The following ZNF517 variants were observed in gnomAD, a reference collection of about 807,000 sequenced individuals.
ZNF517 encodes the protein zinc finger protein 517.
In ZNF517, 12 loss-of-function variants were observed where a neutral mutation model predicts 12.1. That is an observed-to-expected ratio of 0.99 (90% CI 0.63 to 1.61). The LOEUF (loss-of-function observed/expected upper bound fraction) is 1.61. Among genes scored for constraint, ZNF517 ranks in the 40% most tolerant of loss-of-function variants. ZNF517 has a pLI of 0.00. For missense variants in ZNF517, 781 were observed against 693.2 expected (o/e 1.13, Z -1.42); for synonymous variants, 388 against 310.2 (o/e 1.25, Z -2.63).
chr8:144,800,053 T>A (rs1042820027), intron 1 of ZNF517, among the ~76,000 whole-genome samples: 9 of 152,152 alleles, frequency 5.9e-5, no homozygotes, highest in African/African-American at 2.2e-4. Flanking sequence ...GAGAGAAGGC[T>A]GGCATGGCTG....
chr8:144,803,104 C>T, intron 2 of ZNF517, 157 bp downstream of exon 2: 1 of 946,804 alleles, frequency 1.1e-6, no homozygotes, highest in East Asian at 2.7e-5. Context: ...TATGGCCAGG[C>T]CTCACACATG....
chr8:144,807,305 G>T lies in ZNF517; in HGVS notation c.389G>T (p.Gly130Val), dbSNP rs1290406095. ...GCLPWGHPVG[G>V]HPAPPHPHGG... ...CTCCCCTGGGGGCACCCTGTGGGGG[G>T]GCACCCTGCACCACCCCACCCGCAT... Residue 130 changes from glycine (G) to valine (V), a missense_variant, in exon 5 of 5, where the codon GGG becomes GTG. Coordinates refer to ENST00000359971, the MANE Select transcript of ZNF517 (RefSeq NM_213605.3). 2 of 1,552,786 alleles carry T rather than the reference G, an allele frequency of 1.3e-6. No homozygotes were observed. The highest frequency in any genetic ancestry group is 1.7e-6 in the Non-Finnish European group (2 of 1,149,140).
chr8:144,807,274 G>T lies in ZNF517; in HGVS notation c.358G>T (p.Gly120Trp), dbSNP rs570121206. The part of the protein sequence containing the change: ...RQAGLPGTVW[G>W]CLPWGHPVGG... ...GGCAGGACTGCCGGGCACCGTGTGG[G>T]GGTGCCTCCCCTGGGGGCACCCTGT... Residue 120 changes from glycine to tryptophan, a missense_variant, in exon 5 of 5, where the codon GGG (glycine) becomes TGG (tryptophan). Coordinates refer to ENST00000359971, the MANE Select transcript of ZNF517 (RefSeq NM_213605.3). 5 of 1,555,102 alleles carry T rather than the reference G, an allele frequency of 3.2e-6. No homozygotes were observed. In the African/African-American group the frequency reaches 6.8e-5, roughly 21 times the overall value.
At chr8:144,803,364 A>G in intron 2 of ZNF517, 1 of 487,832 alleles carries the variant, frequency 2.0e-6, no homozygotes, top group Non-Finnish European at 3.7e-6. Context: ...AATCCCTGAT[A>G]GCCTGTGGAG....
At chr8:144,805,777 A>G (rs183206024) in intron 4 of ZNF517, among the ~76,000 whole-genome samples, 6,685 of 142,420 alleles carry the variant, frequency 0.047, 208 homozygotes, top group Middle Eastern at 0.095. Context: ...CACCACGCCC[A>G]GCCAATTTTT....
Position 144,807,320 on chromosome 8 carries a change from C to A in ZNF517, c.404C>A (p.Pro135His), listed in dbSNP as rs1827279123. 1 of 1,554,004 alleles carries A rather than the reference C, an allele frequency of 6.4e-7. No individual in the cohort carries two copies. The highest frequency in any genetic ancestry group is 8.7e-7 in the Non-Finnish European group (1 of 1,148,536). ...CCTGTGGGGGGGCACCCTGCACCACCCCACCCGCATGGCGGTCCTGAGGAC... is the reference window on the plus strand; with the variant it reads ...CCTGTGGGGGGGCACCCTGCACCACACCACCCGCATGGCGGTCCTGAGGAC... ...GHPVGGHPAP[P>H]HPHGGPEDGS... The change falls in exon 5 of 5, where the codon CCC becomes CAC. Residue 135 changes from proline to histidine, a missense_variant. Physicochemically the swap from Pro to His is moderately conservative, Grantham distance 77. Transcript: ENST00000359971.
intron 4 of ZNF517, 104 bp from the exon 5 acceptor site, chr8:144,807,087 G>T (rs1827259194): frequency 1.4e-6 from 2 of 1,423,948 alleles, no homozygotes; most frequent in African/African-American, 1.4e-5. Context: ...AAAGCTGGGT[G>T]TTGGGGGAAG....
intron 1 of ZNF517, chr8:144,800,372 G>T (rs1035224777): frequency 6.8e-6 from 4 of 588,962 alleles, no homozygotes; most frequent in Non-Finnish European, 8.5e-6. Flanking sequence ...CTCTAACCAG[G>T]TAGCCCCTCC....
intron 3 of ZNF517, 82 bp from the exon 4 acceptor site, chr8:144,804,043 C>G (rs924731891): frequency 1.7e-4 from 238 of 1,380,462 alleles, no homozygotes; most frequent in Non-Finnish European, 2.4e-4. Context: ...GCACTCTGTG[C>G]CCTGATGGCC....
Position 144,808,543 on chromosome 8 carries a change from C to T in ZNF517, c.*148C>T. ...CCATCAGGAGCTCGGCTTCTTGCTC[C>T]AGCCGGGCACTGGGGAGGGAAAGGG... On this transcript the variant is annotated 3_prime_UTR_variant, in exon 5 of 5. Transcript: ENST00000359971. 1 of 1,173,732 alleles carries T rather than the reference C, an allele frequency of 8.5e-7. No individual in the cohort carries two copies. Among genetic ancestry groups the T allele is most frequent in the Non-Finnish European group, 1.1e-6 (1 of 915,218 alleles). 72.7% of individuals were successfully genotyped at this position (1,173,732 alleles called of 1,614,324 possible). A position where few individuals can be genotyped will look rare whatever the true frequency, so the allele number is the denominator to read the frequency against.
chr8:144,802,477 T>C (rs2130425258), intron 1 of ZNF517, among the ~76,000 whole-genome samples: 1 of 152,346 alleles, frequency 6.6e-6, no homozygotes, highest in East Asian at 1.9e-4. Flanking sequence ...CCTCAGGCCC[T>C]AGGGGTACAG....
rs900877238 is a variant in ZNF517 at position 144,800,389 on chromosome 8, A to G, written c.-46+1452A>G. The stretch of plus-strand genomic sequence containing the variant: ...CTAACCAGGTAGCCCCTCCCTGAGG[A>G]CATGCACTCCCTAGACATGAGCAAA... On this transcript the variant is annotated intron_variant, in intron 1 of 4. Transcript: ENST00000359971. The G allele has an allele frequency of 4.0e-6, 3 of 747,484 alleles. No individual in the cohort carries two copies. The African/African-American group carries it at 5.7e-5, about 14-fold the overall frequency. The allele number at this position is 747,484 out of a possible 1,614,324, so 46.3% of individuals were successfully genotyped here. A position where few individuals can be genotyped will look rare whatever the true frequency, so the allele number is the denominator to read the frequency against.
In ZNF517 at chr8:144,807,408, G is replaced by A. The variant is rs1222581203; in HGVS notation, c.492G>A (p.Gln164=). ...REHSASPRVL[Q]EDLGRPVGSS... ...ACAGCGCCTCCCCAAGGGTTCTGCAGGAAGACCTGGGCCGGCCTGTGGGGA... is the reference window on the plus strand; with the variant it reads ...ACAGCGCCTCCCCAAGGGTTCTGCAAGAAGACCTGGGCCGGCCTGTGGGGA... Residue 164 remains glutamine (Q), a synonymous_variant, in exon 5 of 5, where the codon CAG becomes CAA. Coordinates refer to ENST00000359971, the MANE Select transcript of ZNF517 (RefSeq NM_213605.3). The A allele has an allele frequency of 6.4e-7, 1 of 1,562,752 alleles. No homozygotes were observed. The highest frequency in any genetic ancestry group is 1.2e-5 in the South Asian group (1 of 85,636).
At chr8:144,799,119 G>T (rs1826808592) in intron 1 of ZNF517, among the ~76,000 whole-genome samples, 182 bp downstream of exon 1, 1 of 152,104 alleles carries the variant, frequency 6.6e-6, no homozygotes, top group Non-Finnish European at 1.5e-5. Context: ...AGGGCCCTGC[G>T]CCCCGGTCCA....
At chr8:144,810,337 C>T (rs1827515211), downstream of ZNF517, 5 of 533,210 alleles carry the variant, frequency 9.4e-6, no homozygotes, top group African/African-American at 7.5e-5. Context: ...ACATGCAGAC[C>T]TGGCCCCTCC....
At chr8:144,804,526 G>C (rs1021580941) in intron 4 of ZNF517, among the ~76,000 whole-genome samples, 1 of 152,156 alleles carries the variant, frequency 6.6e-6, no homozygotes, top group Admixed American at 6.5e-5. Context: ...CAGCCCTACA[G>C]GGTCTGTGGG....
chr8:144,806,007 C>T (rs1478011820), intron 4 of ZNF517, among the ~76,000 whole-genome samples: 1 of 130,450 alleles, frequency 7.7e-6, no homozygotes, highest in East Asian at 2.0e-4. Context: ...TCTATAATCT[C>T]TTTCTAGTAT....
chr8:144,800,055 G>T (rs1826881476), intron 1 of ZNF517, among the ~76,000 whole-genome samples: 1 of 152,196 alleles, frequency 6.6e-6, no homozygotes, highest in African/African-American at 2.4e-5. Flanking sequence ...GAGAAGGCTG[G>T]CATGGCTGCG....
intron 4 of ZNF517, 56 bp downstream of exon 4, chr8:144,804,294 C>T (rs969692798): frequency 1.6e-5 from 23 of 1,406,820 alleles, no homozygotes; most frequent in Admixed American, 7.5e-5. Flanking sequence ...GCCTGGCCTC[C>T]GGGCAGCTCT....
Sources: allele counts gnomAD v4.1 joint callset (sites outside exome capture counted in the v4.1 genomes callset), GRCh38; gene constraint gnomAD v4.1.1; transcripts MANE v1.5; gene names NCBI Gene and HGNC (gene_info 2026-07-23, HGNC 2026-07-21).